CAMK2D: variants seen among roughly 807,000 people sequenced by gnomAD.
The protein encoded by CAMK2D is calcium/calmodulin dependent protein kinase II delta, also known as calcium/calmodulin-dependent protein kinase type II subunit delta.
CAMK2D carries 37 observed loss-of-function variants against 84.0 expected under a neutral mutation model. That is an observed-to-expected ratio of 0.44 (90% CI 0.34 to 0.58). CAMK2D has a LOEUF of 0.58. Among genes scored for constraint, CAMK2D ranks in the 20% least tolerant of loss-of-function variants. The pLI, the probability that CAMK2D is intolerant of heterozygous loss-of-function variation, is 0.02. For missense variants in CAMK2D, 448 were observed against 652.5 expected, an observed-to-expected ratio of 0.69 and a Z score of 3.41; for synonymous variants, 202 against 212.5, an observed-to-expected ratio of 0.95 and a Z score of 0.43.
chr4:113,595,771 G>A (rs1168213797), intron 4 of CAMK2D, among the ~76,000 whole-genome samples: 2 of 152,100 alleles, frequency 1.3e-5, no homozygotes, highest in Admixed American at 6.5e-5. Context: ...TGCTAAATAC[G>A]CTAATGATCA....
chr4:113,678,743 T>C (rs1319999287), intron 2 of CAMK2D, among the ~76,000 whole-genome samples: 1 of 152,180 alleles, frequency 6.6e-6, no homozygotes. Flanking sequence ...CTGTGATTCT[T>C]AAAGGTCTAA....
chr4:113,585,356 G>A (rs868237403), intron 4 of CAMK2D, among the ~76,000 whole-genome samples: 2 of 151,926 alleles, frequency 1.3e-5, no homozygotes, highest in Admixed American at 6.6e-5. Context: ...GACTTCACTC[G>A]TTGTCCTTCC....
At chr4:113,552,415 T>C (rs2098635482) in intron 4 of CAMK2D, among the ~76,000 whole-genome samples, 1 of 152,176 alleles carries the variant, frequency 6.6e-6, no homozygotes, top group South Asian at 2.1e-4. Context: ...TTTGGCACAG[T>C]TTAGAAACAC....
Position 113,754,805 on chromosome 4 carries a change from G to GT in CAMK2D, c.160+4514dup, listed in dbSNP as rs1334358893. On this transcript the variant is annotated intron_variant, in intron 2 of 20. Transcript: ENST00000511664. ...TAGAAGAATGTAAATACAACTAAAC[G>GT]TAAGTAAAGGATACAAAATAATAAG... 9 of 982,874 alleles carry GT rather than the reference G, an allele frequency of 9.2e-6. No homozygotes were observed. The African/African-American group carries it at 1.2e-4, about 13-fold the overall frequency. The allele number at this position is 982,874 out of a possible 1,614,324, so 60.9% of individuals were successfully genotyped here.
chr4:113,472,919 T>C (rs1013720686), intron 16 of CAMK2D, among the ~76,000 whole-genome samples: 3 of 152,212 alleles, frequency 2.0e-5, no homozygotes, highest in African/African-American at 7.2e-5. Context: ...GGTACTTGGC[T>C]GTCAGAGACT....
At chr4:113,474,032 G>T (rs569215287) in intron 16 of CAMK2D, among the ~76,000 whole-genome samples, 1 of 152,236 alleles carries the variant, frequency 6.6e-6, no homozygotes, top group Admixed American at 6.5e-5. Context: ...AAGAAACTAT[G>T]ATTACACAGA....
In CAMK2D at chr4:113,633,708, G is replaced by A. The variant is rs575665287; in HGVS notation, c.221-24502C>T. On this transcript the variant is annotated intron_variant, in intron 3 of 20. Coordinates refer to ENST00000511664, the MANE Select transcript of CAMK2D (RefSeq NM_001321571.2). ...GTTGGCTCCACAAGCAGGATACCTG[G>A]CATGCAGTACCAGCTCAGCCACTTA... Among the ~76,000 whole-genome samples the A allele has an allele frequency of 3.3e-5, 5 of 152,262 alleles. No homozygotes were observed. The South Asian group carries it at 1.0e-3, about 32-fold the overall frequency.
chr4:113,470,560 C>T (rs1029980160), intron 16 of CAMK2D, among the ~76,000 whole-genome samples: 1 of 151,868 alleles, frequency 6.6e-6, no homozygotes, highest in African/African-American at 2.4e-5. Flanking sequence ...ATCACTTGAA[C>T]CCGGTAGGTG....
intron 4 of CAMK2D, among the ~76,000 whole-genome samples, chr4:113,593,883 A>G (rs911637910): frequency 6.6e-6 from 1 of 151,974 alleles, no homozygotes; most frequent in African/African-American, 2.4e-5. Context: ...ACTTACCACT[A>G]TTATTATTGA....
intron 2 of CAMK2D, among the ~76,000 whole-genome samples, chr4:113,715,508 T>C (rs1344748238): frequency 1.3e-5 from 2 of 152,130 alleles, no homozygotes; most frequent in African/African-American, 4.8e-5. Context: ...ATAAATTAGA[T>C]TCAACAGTAA....
intron 2 of CAMK2D, among the ~76,000 whole-genome samples, chr4:113,670,660 A>T (rs2099277312): frequency 6.6e-6 from 1 of 152,040 alleles, no homozygotes; most frequent in African/African-American, 2.4e-5. Flanking sequence ...GTCACTTGAG[A>T]CACTTTGTAT....
At chr4:113,643,194 C>G (rs945258262) in intron 3 of CAMK2D, among the ~76,000 whole-genome samples, 1 of 152,016 alleles carries the variant, frequency 6.6e-6, no homozygotes, top group Non-Finnish European at 1.5e-5. Context: ...TATATTCATT[C>G]AAATATATGC....
chr4:113,564,359 C>G (rs2154214242), intron 4 of CAMK2D, among the ~76,000 whole-genome samples: 1 of 152,174 alleles, frequency 6.6e-6, no homozygotes, highest in African/African-American at 2.4e-5. Context: ...AATGTAATTC[C>G]TTGCTGGTAA....
At chr4:113,723,262 T>C (rs2099536467) in intron 2 of CAMK2D, among the ~76,000 whole-genome samples, 1 of 151,472 alleles carries the variant, frequency 6.6e-6, no homozygotes, top group South Asian at 2.1e-4. Flanking sequence ...TCTTACTCTG[T>C]CACCCAGGCT....
intron 4 of CAMK2D, among the ~76,000 whole-genome samples, chr4:113,606,879 C>T (rs2098979967): frequency 6.6e-6 from 1 of 151,726 alleles, no homozygotes; most frequent in African/African-American, 2.4e-5. Context: ...GAAACAAAAA[C>T]CAAAAAATTT....
At chr4:113,503,688 C>CTA (rs2098087533) in intron 14 of CAMK2D, among the ~76,000 whole-genome samples, 1 of 152,072 alleles carries the variant, frequency 6.6e-6, no homozygotes, top group Admixed American at 6.6e-5. Flanking sequence ...ACTTTATGGA[C>CTA]TATATATACA....
intron 4 of CAMK2D, among the ~76,000 whole-genome samples, chr4:113,597,891 G>C (rs2098934345): frequency 1.3e-5 from 2 of 152,136 alleles, no homozygotes; most frequent in South Asian, 2.1e-4. Flanking sequence ...GTGTCTCAGG[G>C]AATAGGAAGG....
In CAMK2D at chr4:113,549,747, G is replaced by A. The variant is rs189681595; in HGVS notation, c.342-2031C>T. Among the ~76,000 whole-genome samples, 57 of 152,170 alleles carry A rather than the reference G, an allele frequency of 3.7e-4. 2 individuals are homozygous for A. Among genetic ancestry groups the A allele is most frequent in the Admixed American group, 1.1e-3 (17 of 15,296 alleles). On this transcript the variant is annotated intron_variant, in intron 5 of 20. Transcript: ENST00000511664. ...ATAAGGACATTTTCAACCACTTAAT[G>A]TATAAAATAATATTATTCTAAAGAA...
intron 2 of CAMK2D, among the ~76,000 whole-genome samples, chr4:113,687,739 C>A (rs2099364150): frequency 6.6e-6 from 1 of 152,152 alleles, no homozygotes; most frequent in Admixed American, 6.5e-5. Flanking sequence ...ACTGTTCTTG[C>A]CAGTAACATA....
Sources: allele counts gnomAD v4.1 joint callset (sites outside exome capture counted in the v4.1 genomes callset), GRCh38; gene constraint gnomAD v4.1.1; transcripts MANE v1.5; gene names NCBI Gene and HGNC (gene_info 2026-07-23, HGNC 2026-07-21).